Variants in SLC2A14 observed in about 807,000 individuals in gnomAD.
The protein encoded by SLC2A14 is solute carrier family 2, facilitated glucose transporter member 14.
SLC2A14 carries 13 observed loss-of-function variants against 43.0 expected under a neutral mutation model. That is an observed-to-expected ratio of 0.30 (90% CI 0.20 to 0.48). SLC2A14 has a LOEUF of 0.48. SLC2A14 is among the 20% of genes least tolerant of loss of function. The probability of loss-of-function intolerance (pLI) is 0.99; values close to 1 mark genes in which losing one functional copy is unlikely to be tolerated. For synonymous variants in SLC2A14, 190 were observed against 233.8 expected (o/e 0.81, Z 1.71); for missense variants, 428 against 620.4 (o/e 0.69, Z 3.29).
rs1453967890 is a variant in SLC2A14, at chr12:7,813,823, T to C, written c.*493A>G. The C allele has an allele frequency of 6.3e-6, 1 of 158,088 alleles. No individual in the cohort carries two copies. The highest frequency in any genetic ancestry group is 2.4e-5 in the African/African-American group (1 of 41,588). 9.8% of individuals were successfully genotyped at this position (158,088 alleles called of 1,614,324 possible). A position where few individuals can be genotyped will look rare whatever the true frequency, so the allele number is the denominator to read the frequency against. On this transcript the variant is annotated 3_prime_UTR_variant, in exon 11 of 11. Transcript: ENST00000431042. ...ACTTAAAAAATAAATATTTATGTAA[T>C]TAAACCAGAGGATAAGATAAATAAA...
exon 1 of SLC2A14, chr12:7,891,099 T>C: frequency 6.5e-7 from 1 of 1,534,658 alleles, no homozygotes; most frequent in Non-Finnish European, 8.7e-7. Flanking sequence ...CAGGAGTACT[T>C]CTACTCTCAA....
At chr12:7,877,535 C>G (rs1945483045), upstream of SLC2A14, among the ~76,000 whole-genome samples, 1 of 151,810 alleles carries the variant, frequency 6.6e-6, no homozygotes, top group Non-Finnish European at 1.5e-5. Context: ...AAGAGATTAT[C>G]TTGTCTCAGC....
intron 10 of SLC2A14, 113 bp downstream of exon 10, chr12:7,817,718 A>C: frequency 3.3e-6 from 4 of 1,215,676 alleles, no homozygotes; most frequent in Non-Finnish European, 4.4e-6. Context: ...ACTGCACACC[A>C]GGGCGAGACT....
chr12:7,878,885 A>G (rs1220237970), intron 1 of SLC2A14, among the ~76,000 whole-genome samples: 1 of 149,632 alleles, frequency 6.7e-6, no homozygotes, highest in Non-Finnish European at 1.5e-5. Context: ...GCTGAGGCAG[A>G]AGAATCACTT....
chr12:7,882,566 C>G (rs915807659), intron 1 of SLC2A14, among the ~76,000 whole-genome samples: 1 of 152,096 alleles, frequency 6.6e-6, no homozygotes, highest in Non-Finnish European at 1.5e-5. Context: ...TCGGCAGTGG[C>G]TCACACTTGT....
chr12:7,831,557 A>C, intron 4 of SLC2A14, 47 bp downstream of exon 4: 1 of 1,609,576 alleles, frequency 6.2e-7, no homozygotes, highest in Non-Finnish European at 8.5e-7. Context: ...ACTTGTCCCC[A>C]ATGCATCTGG....
At chr12:7,869,221 G>A (rs956859270) in intron 2 of SLC2A14, among the ~76,000 whole-genome samples, 4 of 151,864 alleles carry the variant, frequency 2.6e-5, no homozygotes, top group African/African-American at 9.7e-5. Context: ...GAAAAAATCT[G>A]GGAGTTGGAG....
At chr12:7,869,696 T>C (rs966396696) in intron 2 of SLC2A14, among the ~76,000 whole-genome samples, 167 bp downstream of exon 2, 1 of 152,152 alleles carries the variant, frequency 6.6e-6, no homozygotes, top group Admixed American at 6.5e-5. Flanking sequence ...AATAAAAAGA[T>C]TTTGGGAATG....
At chr12:7,863,980 T>C (rs888687409) in intron 2 of SLC2A14, among the ~76,000 whole-genome samples, 1 of 151,822 alleles carries the variant, frequency 6.6e-6, no homozygotes, top group African/African-American at 2.4e-5. Context: ...CATGCCTGGC[T>C]AATTTTTTGT....
chr12:7,818,094 T>G, intron 9 of SLC2A14, 60 bp from the exon 10 acceptor site: 2 of 1,521,296 alleles, frequency 1.3e-6, no homozygotes, highest in African/African-American at 1.4e-5. Context: ...AGGATCTAGG[T>G]TCCCAGAGGC....
At chr12:7,829,579 A>C (rs1350541066) in intron 5 of SLC2A14, among the ~76,000 whole-genome samples, 187 bp downstream of exon 5, 6 of 152,042 alleles carry the variant, frequency 3.9e-5, no homozygotes, top group African/African-American at 1.2e-4. Flanking sequence ...AAAAAGAAAA[A>C]AGGAAAAAAG....
rs368136107 is a variant in SLC2A14, at chr12:7,879,141, T to G, written c.132+11855A>C. On this transcript the variant is annotated intron_variant, in intron 1 of 9. Transcript: ENST00000539924. ...AAGTGAGCTGCTTACATAGGAAAAC[T>G]TCTTCTTTTCTTTTTAACCCTTGCC... Among the ~76,000 whole-genome samples the G allele has an allele frequency of 2.0e-5, 3 of 151,700 alleles. No homozygotes were observed. In the South Asian group the frequency reaches 6.2e-4, roughly 32 times the overall value.
intron 2 of SLC2A14, among the ~76,000 whole-genome samples, chr12:7,864,049 C>T (rs1944771474): frequency 6.6e-6 from 1 of 151,848 alleles, no homozygotes; most frequent in Non-Finnish European, 1.5e-5. Flanking sequence ...ATCTCCTAAC[C>T]TCGTGATCTG....
intron 10 of SLC2A14, 108 bp downstream of exon 10, chr12:7,817,723 G>A (rs760593837): frequency 9.6e-6 from 10 of 1,042,588 alleles, no homozygotes; most frequent in Admixed American, 8.3e-5. Context: ...ACACCAGGGC[G>A]AGACTCAGTC....
chr12:7,889,190 G>A (rs955266102), intron 1 of SLC2A14, among the ~76,000 whole-genome samples: 6 of 150,936 alleles, frequency 4.0e-5, no homozygotes, highest in African/African-American at 1.5e-4. Flanking sequence ...ATAAAAGAAA[G>A]GCTACTCCAT....
chr12:7,884,425 T>G (rs1945654031), intron 1 of SLC2A14, among the ~76,000 whole-genome samples: 1 of 152,114 alleles, frequency 6.6e-6, no homozygotes, highest in Non-Finnish European at 1.5e-5. Flanking sequence ...ACTAGTGAAG[T>G]GCCGTAGTGG....
At position 7,817,371 on chromosome 12, in the gene SLC2A14, G is replaced by A. The variant is rs922946712; in HGVS notation, c.1275+460C>T. On this transcript the variant is annotated intron_variant, in intron 10 of 10. Transcript: ENST00000431042. ...CTCAGGTGATCTGCCTGCCTCAGCC[G>A]CCCAAAGTGCTGGGATTACAGGAGT... Among the ~76,000 whole-genome samples the A allele has an allele frequency of 1.3e-4, 20 of 151,952 alleles. No homozygotes were observed. The East Asian group carries it at 1.6e-3, about 12-fold the overall frequency.
chr12:7,840,670 G>A (rs892326731), intron 2 of SLC2A14, among the ~76,000 whole-genome samples: 1 of 152,202 alleles, frequency 6.6e-6, no homozygotes, highest in Non-Finnish European at 1.5e-5. Flanking sequence ...ACGGGCGTGA[G>A]GCACTGCGCC....
chr12:7,873,852 T>C (rs200512978), upstream of SLC2A14, among the ~76,000 whole-genome samples: 2 of 151,990 alleles, frequency 1.3e-5, no homozygotes, highest in African/African-American at 4.8e-5. Context: ...ACGAAGGTGT[T>C]TTGGAGAGAT....
Sources: allele counts gnomAD v4.1 joint callset (sites outside exome capture counted in the v4.1 genomes callset), GRCh38; gene constraint gnomAD v4.1.1; transcripts MANE v1.5; gene names NCBI Gene and HGNC (gene_info 2026-07-23, HGNC 2026-07-21).